Variants in C4orf51 observed in about 807,000 individuals in gnomAD.
C4orf51 encodes the protein chromosome 4 open reading frame 51.
In C4orf51, 25 loss-of-function variants were observed where a neutral mutation model predicts 25.2. The ratio of observed to expected loss-of-function variants is 0.99; its 90% CI spans 0.72 to 1.39. The LOEUF is 1.39. C4orf51 is among the 40% of genes most tolerant of loss of function. The pLI, the probability that C4orf51 is intolerant of heterozygous loss-of-function variation, is 0.00. For synonymous variants in C4orf51, 100 were observed against 84.5 expected (o/e 1.18, Z -1.01); for missense variants, 252 against 239.6 (o/e 1.05, Z -0.34).
At chr4:145,744,140 AAAT>A (rs1361395776) in intron 1 of C4orf51, among the ~76,000 whole-genome samples, 1 of 152,132 alleles carries the variant, frequency 6.6e-6, no homozygotes, top group African/African-American at 2.4e-5. Flanking sequence ...GTTGCTCATT[AAAT>A]AATAAATGAA....
chr4:145,739,843 A>G (rs1179919741), intron 1 of C4orf51, among the ~76,000 whole-genome samples: 1 of 152,156 alleles, frequency 6.6e-6, no homozygotes, highest in African/African-American at 2.4e-5. Flanking sequence ...CCTGACAACT[A>G]TTGAGCTCCT....
At chr4:145,748,275 C>G (rs1192769204) in intron 1 of C4orf51, among the ~76,000 whole-genome samples, 1 of 152,004 alleles carries the variant, frequency 6.6e-6, no homozygotes, top group Non-Finnish European at 1.5e-5. Context: ...TGGATCACCT[C>G]TCTTTTTTTC....
the C4orf51 span, among the ~76,000 whole-genome samples, chr4:145,776,138 C>T: frequency 6.6e-6 from 1 of 152,248 alleles, no homozygotes; most frequent in East Asian, 1.9e-4. Flanking sequence ...GCAGGTCACT[C>T]CTGTATTAGT....
chr4:145,779,069 CT>C, the C4orf51 span, among the ~76,000 whole-genome samples: 3,934 of 152,276 alleles, frequency 0.026, 98 homozygotes, highest in African/African-American at 0.065. Flanking sequence ...GTGTGTCCCC[CT>C]GTCCTTCACT....
intron 2 of C4orf51, among the ~76,000 whole-genome samples, chr4:145,705,301 C>T (rs1196919851): frequency 6.6e-6 from 1 of 152,190 alleles, no homozygotes; most frequent in Admixed American, 6.5e-5. Flanking sequence ...GACTGCCTTT[C>T]CCTGGCATTG....
chr4:145,702,531 C>T (rs1388990113), intron 2 of C4orf51, among the ~76,000 whole-genome samples: 2 of 152,162 alleles, frequency 1.3e-5, no homozygotes, highest in African/African-American at 2.4e-5. Flanking sequence ...TCCTATTCAC[C>T]GTTCTCAACT....
chr4:145,738,449 CG>C (rs971740728), intron 1 of C4orf51, among the ~76,000 whole-genome samples: 3 of 90,100 alleles, frequency 3.3e-5, no homozygotes, highest in African/African-American at 1.2e-4. Flanking sequence ...GACTCTATCT[CG>C]AAAAAAAACA....
At chr4:145,725,497 A>G (rs2126759934) in intron 2 of C4orf51, among the ~76,000 whole-genome samples, 1 of 152,346 alleles carries the variant, frequency 6.6e-6, no homozygotes, top group African/African-American at 2.4e-5. Flanking sequence ...TGCTCATTGC[A>G]GCATTATCCA....
rs202022978 is a variant in C4orf51, at chr4:145,696,576, G to A, written c.251G>A (p.Ser84Asn). ...PECKQMSLTN[S>N]SACHLLCWAG... ...TTCCTTAGGATGTCATTGACAAACA[G>A]TTCTGCCTGTCATCTTCTCTGCTGG... The change falls in exon 2 of 6, where the codon AGT (serine) becomes AAT (asparagine). Residue 84 changes from serine (S) to asparagine (N), a missense_variant. Physicochemically the swap from Ser to Asn is conservative, Grantham distance 46 (BLOSUM62 1). Coordinates refer to ENST00000438731, the MANE Select transcript of C4orf51 (RefSeq NM_001080531.3). The A allele has an allele frequency of 5.6e-6, 9 of 1,613,650 alleles. No homozygotes were observed. The highest frequency in any genetic ancestry group is 6.8e-6 in the Non-Finnish European group (8 of 1,179,638).
intron 1 of C4orf51, among the ~76,000 whole-genome samples, chr4:145,686,322 G>A (rs1008010943): frequency 6.6e-6 from 1 of 152,094 alleles, no homozygotes; most frequent in Non-Finnish European, 1.5e-5. Flanking sequence ...TTCTAGAGAT[G>A]GATAGTAGTA....
intron 1 of C4orf51, among the ~76,000 whole-genome samples, chr4:145,753,396 T>G (rs1298103157): frequency 6.6e-6 from 1 of 152,168 alleles, no homozygotes; most frequent in Non-Finnish European, 1.5e-5. Context: ...TATATATACA[T>G]TCTATGTATC....
chr4:145,742,196 C>G (rs1333254653), intron 1 of C4orf51, among the ~76,000 whole-genome samples: 3 of 152,218 alleles, frequency 2.0e-5, no homozygotes, highest in Non-Finnish European at 4.4e-5. Context: ...CAGCCTCACT[C>G]TACTCATCCT....
chr4:145,725,040 T>TGCC (rs1298280947), intron 2 of C4orf51, among the ~76,000 whole-genome samples: 1 of 149,472 alleles, frequency 6.7e-6, no homozygotes, highest in Non-Finnish European at 1.5e-5. Context: ...GGGGAAAGGG[T>TGCC]GGGAGGGGGA....
At chr4:145,789,943 C>G in the C4orf51 span, among the ~76,000 whole-genome samples, 1 of 152,200 alleles carries the variant, frequency 6.6e-6, no homozygotes, top group Non-Finnish European at 1.5e-5. Flanking sequence ...CCTCTTTGGC[C>G]TCTTCTTTAC....
intron 1 of C4orf51, among the ~76,000 whole-genome samples, chr4:145,695,975 C>T (rs1329233411): frequency 6.6e-6 from 1 of 152,136 alleles, no homozygotes; most frequent in Non-Finnish European, 1.5e-5. Context: ...AACACATGGA[C>T]ATAAAGAAGG....
chr4:145,760,734 T>TTTG, intron 1 of C4orf51: 1 of 998,474 alleles, frequency 1.0e-6, no homozygotes, highest in Non-Finnish European at 1.2e-6. Flanking sequence ...TTTTTTTTTT[T>TTTG]TTTGTCTTTT....
rs60310006 is a variant in C4orf51 at position 145,740,240 on chromosome 4, C to CAAAAAAAAAAAAAAAA, written n.167+7637_167+7652dup. On this transcript the variant is annotated intron_variant and non_coding_transcript_variant, in intron 1 of 1. Transcript: ENST00000508981. ...AATTATAGCTATCTCTCCCTTTCTG[C>CAAAAAAAAAAAAAAAA]AAAAAAAAAAAAAAAAAAAAAAAAA... 1.4e-4 allele frequency among the ~76,000 whole-genome samples: 15 copies of CAAAAAAAAAAAAAAAA among 104,800 alleles called. 1 individual carries two copies. The highest frequency in any genetic ancestry group is 2.9e-4 in the African/African-American group (7 of 24,430). 68.8% of individuals were successfully genotyped at this position (104,800 alleles called of 152,430 possible). A position where few individuals can be genotyped will look rare whatever the true frequency, so the allele number is the denominator to read the frequency against.
intron 1 of C4orf51, among the ~76,000 whole-genome samples, chr4:145,685,142 C>T (rs948170557): frequency 6.6e-6 from 1 of 152,074 alleles, no homozygotes. Context: ...ACAGAATATA[C>T]ATTCTGTGGT....
intron 1 of C4orf51, among the ~76,000 whole-genome samples, chr4:145,688,633 C>T (rs1342592932): frequency 6.6e-6 from 1 of 152,168 alleles, no homozygotes; most frequent in Non-Finnish European, 1.5e-5. Context: ...TTCCTGAGGC[C>T]TCTCCAGCCA....
Sources: gnomAD v4.1 joint callset for allele counts (sites outside exome capture counted in the v4.1 genomes callset) on GRCh38, gnomAD v4.1.1 for gene constraint, MANE v1.5 for transcripts, NCBI Gene and HGNC (gene_info 2026-07-23, HGNC 2026-07-21) for gene names.